GATAD2A: variants seen among roughly 807,000 people sequenced by gnomAD.
GATAD2A encodes transcriptional repressor p66-alpha.
GATAD2A carries 12 observed loss-of-function variants against 68.5 expected under a neutral mutation model. The ratio of observed to expected loss-of-function variants is 0.18; its 90% CI spans 0.11 to 0.28. GATAD2A has a LOEUF of 0.28. Ranked by LOEUF, GATAD2A falls within the 10% of genes least tolerant of loss-of-function variation. The probability of loss-of-function intolerance (pLI) is 1.00; values close to 1 mark genes in which losing one functional copy is unlikely to be tolerated. For missense variants in GATAD2A, 755 were observed against 868.5 expected (o/e 0.87, Z 1.64); for synonymous variants, 410 against 375.3 (o/e 1.09, Z -1.07).
chr19:19,427,064 C>G (rs574265718), intron 1 of GATAD2A, among the ~76,000 whole-genome samples: 14 of 151,276 alleles, frequency 9.3e-5, no homozygotes, highest in African/African-American at 3.4e-4. Flanking sequence ...TATGATTGCA[C>G]CTATATGAGG....
At chr19:19,477,715 C>T (rs2059283980) in intron 2 of GATAD2A, among the ~76,000 whole-genome samples, 1 of 152,218 alleles carries the variant, frequency 6.6e-6, no homozygotes. Flanking sequence ...AGTTGATGCT[C>T]TGAGCCTAGG....
chr19:19,476,206 C>G (rs1404722780), intron 2 of GATAD2A, among the ~76,000 whole-genome samples: 1 of 152,238 alleles, frequency 6.6e-6, no homozygotes, highest in Non-Finnish European at 1.5e-5. Context: ...TCGAGGTAAT[C>G]ACCAGTAAAT....
In GATAD2A at chr19:19,475,723, G is replaced by T. The variant is rs923963218; in HGVS notation, c.269+10109G>T. On this transcript the variant is annotated intron_variant, in intron 2 of 11. Transcript: ENST00000683918. Reference sequence around the variant, plus strand: ...TTGTGCTCCCTTCCCTGCCTTAGCCGCTGCCCCTCCAAACCTCAGTGGCCA... The same window carrying T: ...TTGTGCTCCCTTCCCTGCCTTAGCCTCTGCCCCTCCAAACCTCAGTGGCCA... Among the ~76,000 whole-genome samples, 3 of 152,190 alleles carry T rather than the reference G, an allele frequency of 2.0e-5. No homozygotes were observed. In the East Asian group the frequency reaches 5.8e-4, roughly 29 times the overall value.
At chr19:19,404,258 A>ATT (rs111838568), upstream of GATAD2A, among the ~76,000 whole-genome samples, 30 of 146,694 alleles carry the variant, frequency 2.0e-4, 1 homozygote, top group Middle Eastern at 3.4e-3. Flanking sequence ...CAGAAAAACA[A>ATT]TTTTTTTTTT....
At chr19:19,467,902 T>C (rs1437458866) in intron 2 of GATAD2A, among the ~76,000 whole-genome samples, 1 of 152,232 alleles carries the variant, frequency 6.6e-6, no homozygotes, top group African/African-American at 2.4e-5. Flanking sequence ...CCTCCATCTT[T>C]TACTCCGCTC....
At chr19:19,392,692 G>GTTT (rs35476291) in intron 1 of GATAD2A, among the ~76,000 whole-genome samples, 1 of 131,498 alleles carries the variant, frequency 7.6e-6, no homozygotes, top group Non-Finnish European at 1.6e-5. Context: ...GTCCGGTCAA[G>GTTT]TTTTTTTTTT....
chr19:19,406,643 A>G (rs2050307774), intron 1 of GATAD2A, among the ~76,000 whole-genome samples: 1 of 152,098 alleles, frequency 6.6e-6, no homozygotes, highest in Non-Finnish European at 1.5e-5. Flanking sequence ...CTCCCCATCT[A>G]GGCGGTGGCT....
intron 2 of GATAD2A, among the ~76,000 whole-genome samples, chr19:19,468,272 G>T (rs2058028219): frequency 6.6e-6 from 1 of 152,254 alleles, no homozygotes; most frequent in Non-Finnish European, 1.5e-5. Context: ...GGGTGAAAAG[G>T]AGGACTGTTC....
intron 2 of GATAD2A, among the ~76,000 whole-genome samples, chr19:19,480,655 G>A (rs556581045): frequency 1.7e-3 from 261 of 152,278 alleles, no homozygotes; most frequent in Middle Eastern, 6.8e-3. Flanking sequence ...GGTGAGTGGC[G>A]TCCCCTTCTG....
intron 1 of GATAD2A, among the ~76,000 whole-genome samples, chr19:19,441,544 T>A (rs1056384099): frequency 3.3e-5 from 5 of 151,928 alleles, no homozygotes; most frequent in African/African-American, 1.2e-4. Context: ...AGCAAATTTT[T>A]AAATTTGGGT....
intron 1 of GATAD2A, among the ~76,000 whole-genome samples, chr19:19,417,739 G>A (rs931903644): frequency 2.6e-5 from 4 of 152,200 alleles, no homozygotes; most frequent in African/African-American, 9.6e-5. Flanking sequence ...TAAAAGGCAG[G>A]CATGAGCTAA....
At chr19:19,405,380 A>G (rs2050096782), upstream of GATAD2A, among the ~76,000 whole-genome samples, 1 of 152,194 alleles carries the variant, frequency 6.6e-6, no homozygotes, top group African/African-American at 2.4e-5. Context: ...GTCAGCAGTG[A>G]GCGCGTCGTG....
At chr19:19,454,608 A>AG (rs2056742557) in intron 1 of GATAD2A, among the ~76,000 whole-genome samples, 1 of 151,568 alleles carries the variant, frequency 6.6e-6, no homozygotes, top group East Asian at 2.0e-4. Context: ...AAAAAAAAAA[A>AG]AAAATTTATT....
intron 2 of GATAD2A, among the ~76,000 whole-genome samples, chr19:19,475,582 A>C (rs1172859379): frequency 1.3e-5 from 2 of 152,024 alleles, no homozygotes; most frequent in Non-Finnish European, 2.9e-5. Context: ...GGCAACTTCC[A>C]GGAGAGGCTG....
intron 1 of GATAD2A, among the ~76,000 whole-genome samples, chr19:19,430,977 G>GTA (rs2053664380): frequency 2.2e-5 from 1 of 45,720 alleles, no homozygotes; most frequent in Non-Finnish European, 3.7e-5. Flanking sequence ...TATGGTAGGG[G>GTA]TGTGTGTGTG....
intron 2 of GATAD2A, among the ~76,000 whole-genome samples, chr19:19,472,000 A>T (rs548183130): frequency 3.7e-4 from 57 of 152,090 alleles, no homozygotes; most frequent in Non-Finnish European, 5.4e-4. Context: ...GGCTCAAGCC[A>T]CTCAAGTAGG....
chr19:19,405,122 G>C (rs2050068595), upstream of GATAD2A, among the ~76,000 whole-genome samples: 1 of 152,256 alleles, frequency 6.6e-6, no homozygotes, highest in African/African-American at 2.4e-5. Context: ...GAGGTAACTG[G>C]AGAGGGAGAG....
chr19:19,395,649 G>A (rs894935691), intron 1 of GATAD2A, among the ~76,000 whole-genome samples: 1 of 152,108 alleles, frequency 6.6e-6, no homozygotes, highest in African/African-American at 2.4e-5. Flanking sequence ...TGTTCCCCTC[G>A]GGAGCTTGTC....
chr19:19,505,321 C>T (rs2060816943), intron 11 of GATAD2A, 23 bp from the exon 12 acceptor site: 4 of 1,610,742 alleles, frequency 2.5e-6, no homozygotes, highest in Non-Finnish European at 8.5e-7. Flanking sequence ...GCCTTCTCAG[C>T]TGGTCGCTCT....
Sources: allele counts gnomAD v4.1 joint callset (sites outside exome capture counted in the v4.1 genomes callset), GRCh38; gene constraint gnomAD v4.1.1; transcripts MANE v1.5; gene names NCBI Gene and HGNC (gene_info 2026-07-23, HGNC 2026-07-21).